Variants in NLRP8 observed in about 807,000 individuals in gnomAD.
NLRP8 encodes NACHT, LRR and PYD domains-containing protein 8.
A neutral mutation model predicts 88.7 loss-of-function variants in NLRP8; 86 were observed. That is an observed-to-expected ratio of 0.97 (90% CI 0.81 to 1.16). The LOEUF is 1.16. NLRP8 is among the 50% of genes most tolerant of loss of function. NLRP8 has a pLI of 0.00. For synonymous variants in NLRP8, 504 were observed against 494.6 expected (o/e 1.02, Z -0.25); for missense variants, 1,342 against 1,286.5 (o/e 1.04, Z -0.66).
intron 2 of NLRP8, among the ~76,000 whole-genome samples, chr19:55,953,792 CTT>C (rs35767678): frequency 9.1e-5 from 5 of 55,240 alleles, no homozygotes; most frequent in African/African-American, 3.6e-4. Flanking sequence ...TGTGCCTGGC[CTT>C]TTTTTTTTTT....
intron 7 of NLRP8, among the ~76,000 whole-genome samples, chr19:55,974,876 G>C (rs926851612): frequency 3.9e-5 from 6 of 152,014 alleles, no homozygotes; most frequent in African/African-American, 1.4e-4. Flanking sequence ...TTTACTGTCT[G>C]TTCTTTCTGG....
Position 55,987,806 on chromosome 19 carries a change from C to A in NLRP8, c.3048-8C>A. 1 of 1,607,152 alleles carries A rather than the reference C, an allele frequency of 6.2e-7. No homozygotes were observed. Among genetic ancestry groups the A allele is most frequent in the Non-Finnish European group, 8.5e-7 (1 of 1,173,742 alleles). ...CTCAACCAGCAGCCTTCCTTTACCT[C>A]CCTCCAGCTGTATTCCTGCCTGGAC... is the stretch of plus-strand genomic sequence containing the variant. On this transcript the variant is annotated splice_polypyrimidine_tract_variant and splice_region_variant and intron_variant, in intron 9 of 9. Transcript: ENST00000291971.
chr19:55,953,320 T>C (rs998929840), intron 2 of NLRP8, among the ~76,000 whole-genome samples: 1 of 152,090 alleles, frequency 6.6e-6, no homozygotes, highest in African/African-American at 2.4e-5. Flanking sequence ...TATACTGAGT[T>C]GTATAATTAT....
intron 1 of NLRP8, among the ~76,000 whole-genome samples, chr19:55,948,947 A>G (rs1978974232): frequency 6.6e-6 from 1 of 152,192 alleles, no homozygotes; most frequent in Non-Finnish European, 1.5e-5. Context: ...CGCAGCAACA[A>G]AGGGTGAATC....
At chr19:55,960,613 C>T (rs1388761582) in intron 3 of NLRP8, among the ~76,000 whole-genome samples, 1 of 152,130 alleles carries the variant, frequency 6.6e-6, no homozygotes, top group African/African-American at 2.4e-5. Context: ...GTCCATTGAT[C>T]ACTTTTGTAT....
At chr19:55,961,823 G>T (rs10412597) in intron 3 of NLRP8, among the ~76,000 whole-genome samples, 42,003 of 151,984 alleles carry the variant, frequency 0.28, 6,136 homozygotes, top group African/African-American at 0.35. Flanking sequence ...AAAAATAAAA[G>T]CAACTTCCTT....
chr19:55,983,139 C>G (rs1980641963), intron 9 of NLRP8, among the ~76,000 whole-genome samples: 1 of 151,982 alleles, frequency 6.6e-6, no homozygotes, highest in South Asian at 2.1e-4. Flanking sequence ...AAAGGAGATG[C>G]AGCATAGGGC....
intron 8 of NLRP8, among the ~76,000 whole-genome samples, chr19:55,978,898 T>A (rs751507474): frequency 1.3e-5 from 2 of 152,182 alleles, no homozygotes; most frequent in Non-Finnish European, 2.9e-5. Context: ...CACTCCAGCC[T>A]GGGCAACAGA....
chr19:55,982,654 A>G (rs1470060212), intron 9 of NLRP8, among the ~76,000 whole-genome samples: 2 of 152,232 alleles, frequency 1.3e-5, no homozygotes, highest in Non-Finnish European at 2.9e-5. Flanking sequence ...TGCTCAGAGA[A>G]CAATGGGGGC....
intron 4 of NLRP8, among the ~76,000 whole-genome samples, chr19:55,965,738 G>A (rs765107275): frequency 2.0e-5 from 3 of 151,994 alleles, no homozygotes; most frequent in Non-Finnish European, 2.9e-5. Context: ...CATGCGCTGT[G>A]GTGGTTTGCT....
At chr19:55,987,172 C>G (rs1211117900) in intron 9 of NLRP8, among the ~76,000 whole-genome samples, 2 of 152,108 alleles carry the variant, frequency 1.3e-5, no homozygotes, top group Non-Finnish European at 2.9e-5. Flanking sequence ...AGTTCAAGAC[C>G]AGCCTGGCCA....
chr19:55,955,830 T>C lies in NLRP8; in HGVS notation c.1772T>C (p.Ile591Thr), dbSNP rs747857946. 17 of 1,614,076 alleles carry C rather than the reference T, an allele frequency of 1.1e-5. No individual in the cohort carries two copies. Among genetic ancestry groups the C allele is most frequent in the African/African-American group, 9.3e-5 (7 of 74,934 alleles). ...AATAAGAGGAAACTGCTGAAAGTCA[T>C]ACCTCTGTTGCATAAATGTGACCCA... Residue 591 changes from isoleucine to threonine, a missense_variant, in exon 3 of 10, where the codon ATA becomes ACA. Transcript: ENST00000291971.
chr19:55,967,927 A>G lies in NLRP8; in HGVS notation c.2381+1547A>G, dbSNP rs182805288. ...TGCTAGGGTGCAGCAAACTTTTTCT[A>G]TGACAAGCCAGGTAAGAAACACTTC... On this transcript the variant is annotated intron_variant, in intron 5 of 9. Coordinates refer to ENST00000291971, the MANE Select transcript of NLRP8 (RefSeq NM_176811.2). Among the ~76,000 whole-genome samples the G allele has an allele frequency of 5.3e-5, 8 of 152,358 alleles. No homozygotes were observed. In the East Asian group the frequency reaches 1.5e-3, roughly 29 times the overall value.
chr19:55,969,985 C>A (rs1480495029), intron 5 of NLRP8, among the ~76,000 whole-genome samples: 2 of 152,134 alleles, frequency 1.3e-5, no homozygotes, highest in African/African-American at 4.8e-5. Flanking sequence ...CAGTTCTTCA[C>A]CTTGATGATG....
At chr19:55,976,020 A>G (rs1272472214) in intron 7 of NLRP8, 113 bp from the exon 8 acceptor site, 1 of 1,093,614 alleles carries the variant, frequency 9.1e-7, no homozygotes, top group East Asian at 2.6e-5. Flanking sequence ...AAACAAATAA[A>G]AACAGAACCC....
chr19:55,988,243 CA>C lies in NLRP8; in HGVS notation c.*336del, dbSNP rs1232212926. ...CCCGCCTCTACTAAAAAAAAAAATA[CA>C]AAAAATTAGGCGTGGTGGTGGGCTC... On this transcript the variant is annotated 3_prime_UTR_variant, in exon 10 of 10. Transcript: ENST00000291971. 5 of 155,578 alleles carry C rather than the reference CA, an allele frequency of 3.2e-5. No individual in the cohort carries two copies. In the East Asian group the frequency reaches 9.6e-4, roughly 30 times the overall value. 9.6% of individuals were successfully genotyped at this position (155,578 alleles called of 1,614,324 possible).
rs1393575444 is a variant in NLRP8, at chr19:55,979,445, G to C, written c.2928G>C (p.Met976Ile). 3.1e-6 allele frequency: 5 copies of C among 1,614,170 alleles called. No individual in the cohort carries two copies. The highest frequency in any genetic ancestry group is 4.2e-6 in the Non-Finnish European group (5 of 1,180,028). ...TCTGCTGCCAGGCCATGGCTTCCAT[G>C]CTCCGCAAAAACCAACATCTGAGAC... The change falls in exon 9 of 10, where the codon ATG becomes ATC. Residue 976 changes from methionine to isoleucine, a missense_variant. Met to Ile is a conservative substitution (Grantham distance 10). Transcript: ENST00000291971.
At chr19:55,949,376 T>A (rs759508002) in intron 1 of NLRP8, among the ~76,000 whole-genome samples, 2 of 152,060 alleles carry the variant, frequency 1.3e-5, no homozygotes, top group Non-Finnish European at 2.9e-5. Context: ...TAGCTGGGAT[T>A]ACAGGTGCGC....
rs752323662 is a variant in NLRP8, at chr19:55,954,795, A to T, written c.737A>T (p.Gln246Leu). ...TGGTGTGCTTTCTACTTCCATTGCC[A>T]AGAGGTGAACCAGACGACAGACCAG... Residue 246 changes from glutamine (Q) to leucine (L), a missense_variant, in exon 3 of 10, where the codon CAA (glutamine) becomes CTA (leucine). By Grantham distance (113) the Gln-to-Leu change is moderately radical. Transcript: ENST00000291971. 86 of 1,614,084 alleles carry T rather than the reference A, an allele frequency of 5.3e-5. No individual in the cohort carries two copies. The highest frequency in any genetic ancestry group is 2.7e-5 in the Non-Finnish European group (32 of 1,180,046).
Sources: gnomAD v4.1 joint callset for allele counts (sites outside exome capture counted in the v4.1 genomes callset) on GRCh38, gnomAD v4.1.1 for gene constraint, MANE v1.5 for transcripts, NCBI Gene and HGNC (gene_info 2026-07-23, HGNC 2026-07-21) for gene names.